The following TTLL11 variants were observed in gnomAD, a reference collection of about 807,000 sequenced individuals.
TTLL11 encodes tubulin tyrosine ligase like 11.
In TTLL11, 42 loss-of-function variants were observed where a neutral mutation model predicts 51.7. The observed-to-expected ratio is 0.81, with a 90% CI of 0.64 to 1.05. The LOEUF (loss-of-function observed/expected upper bound fraction) is 1.05, where lower values mean the gene tolerates loss of function less well. Among genes scored for constraint, TTLL11 ranks in the 50% least tolerant of loss-of-function variants. The pLI, the probability that TTLL11 is intolerant of heterozygous loss-of-function variation, is 0.00. For synonymous variants in TTLL11, 381 were observed against 383.5 expected (o/e 0.99, Z 0.08); for missense variants, 799 against 940.4 (o/e 0.85, Z 1.97).
chr9:122,032,312 C>T (rs10124850), intron 2 of TTLL11, among the ~76,000 whole-genome samples: 19,694 of 152,084 alleles, frequency 0.13, 2,101 homozygotes, highest in African/African-American at 0.29. Context: ...ATTAAGTTTA[C>T]TTCTTTTACT....
intron 8 of TTLL11, among the ~76,000 whole-genome samples, chr9:121,830,172 A>G (rs1225570331): frequency 6.6e-6 from 1 of 152,254 alleles, no homozygotes; most frequent in African/African-American, 2.4e-5. Context: ...ACACTGAGGT[A>G]AGCCAAGGGG....
chr9:122,005,342 C>T (rs1843612588), intron 3 of TTLL11, among the ~76,000 whole-genome samples: 1 of 152,126 alleles, frequency 6.6e-6, no homozygotes, highest in Non-Finnish European at 1.5e-5. Context: ...CTATGTGACT[C>T]AGCCAAGTCT....
intron 8 of TTLL11, among the ~76,000 whole-genome samples, chr9:121,841,768 C>A (rs1837357216): frequency 6.6e-6 from 1 of 152,048 alleles, no homozygotes; most frequent in Non-Finnish European, 1.5e-5. Flanking sequence ...CTGTCTTGTG[C>A]ATTTCAGGTT....
intron 8 of TTLL11, among the ~76,000 whole-genome samples, chr9:121,856,469 T>C (rs1324626957): frequency 6.6e-6 from 1 of 152,230 alleles, no homozygotes; most frequent in Non-Finnish European, 1.5e-5. Flanking sequence ...TCTCACAGGA[T>C]GGTGTGAGAA....
chr9:121,991,314 T>G (rs1335366995), intron 3 of TTLL11, among the ~76,000 whole-genome samples: 2 of 152,234 alleles, frequency 1.3e-5, no homozygotes, highest in Non-Finnish European at 2.9e-5. Context: ...GAGAAACACT[T>G]AAAGCCTTAA....
At chr9:121,963,936 T>G (rs745423089) in intron 6 of TTLL11, among the ~76,000 whole-genome samples, 6 of 152,216 alleles carry the variant, frequency 3.9e-5, no homozygotes, top group Non-Finnish European at 8.8e-5. Flanking sequence ...CAATGTATCT[T>G]GAAGTCAGGA....
intron 6 of TTLL11, among the ~76,000 whole-genome samples, chr9:121,951,948 G>A (rs987916485): frequency 5.3e-5 from 8 of 152,192 alleles, no homozygotes; most frequent in African/African-American, 1.9e-4. Flanking sequence ...CTGTCATGGC[G>A]CTGGTGGGAG....
At chr9:121,836,070 T>G (rs73539170) in intron 8 of TTLL11, among the ~76,000 whole-genome samples, 1 of 152,172 alleles carries the variant, frequency 6.6e-6, no homozygotes, top group Non-Finnish European at 1.5e-5. Context: ...TGTCAGGCAC[T>G]GTGGTGAGTA....
chr9:122,032,334 A>G (rs931743852), intron 2 of TTLL11, among the ~76,000 whole-genome samples: 4 of 152,318 alleles, frequency 2.6e-5, no homozygotes, highest in Admixed American at 6.5e-5. Context: ...TTTCATGAGT[A>G]TTAAAGGCAT....
intron 1 of TTLL11, among the ~76,000 whole-genome samples, chr9:122,082,924 C>T (rs1485163396): frequency 2.0e-5 from 3 of 151,730 alleles, no homozygotes; most frequent in East Asian, 3.9e-4. Flanking sequence ...TCCTGGGGGG[C>T]GAGGGTTGCT....
chr9:121,832,827 C>T (rs1837061318), intron 8 of TTLL11, among the ~76,000 whole-genome samples: 1 of 152,196 alleles, frequency 6.6e-6, no homozygotes, highest in African/African-American at 2.4e-5. Flanking sequence ...GAAGTCCCAG[C>T]TACTCAGGAA....
intron 3 of TTLL11, among the ~76,000 whole-genome samples, chr9:121,993,967 A>G (rs1191713216): frequency 6.6e-6 from 1 of 152,220 alleles, no homozygotes; most frequent in Non-Finnish European, 1.5e-5. Flanking sequence ...CCTCTGGTAG[A>G]CAAAATCAGT....
intron 1 of TTLL11, among the ~76,000 whole-genome samples, chr9:122,048,544 C>A (rs1845078520): frequency 6.6e-6 from 1 of 152,154 alleles, no homozygotes; most frequent in Admixed American, 6.5e-5. Context: ...CGTGGACCGA[C>A]CACAGGATCA....
intron 6 of TTLL11, among the ~76,000 whole-genome samples, chr9:121,972,548 C>T (rs772971163): frequency 2.0e-5 from 3 of 152,254 alleles, no homozygotes; most frequent in African/African-American, 4.8e-5. Flanking sequence ...CCAACAATGG[C>T]AATCTGTGCC....
chr9:121,869,529 A>G (rs1157022371), intron 7 of TTLL11, among the ~76,000 whole-genome samples: 1 of 152,208 alleles, frequency 6.6e-6, no homozygotes, highest in African/African-American at 2.4e-5. Flanking sequence ...AGGGATCTAG[A>G]GTTATTAGAT....
At chr9:122,011,544 C>A (rs1456033950) in intron 3 of TTLL11, among the ~76,000 whole-genome samples, 1 of 151,866 alleles carries the variant, frequency 6.6e-6, no homozygotes, top group East Asian at 1.9e-4. Context: ...AATGATAATA[C>A]TAGATAGCTG....
At chr9:121,873,476 A>AT (rs1428539134) in intron 6 of TTLL11, among the ~76,000 whole-genome samples, 10 of 148,468 alleles carry the variant, frequency 6.7e-5, no homozygotes, top group Non-Finnish European at 7.4e-5. Context: ...CACCCAGCTA[A>AT]TTTTTTTATA....
At chr9:122,068,398 G>A (rs1431394162) in intron 1 of TTLL11, among the ~76,000 whole-genome samples, 4 of 152,126 alleles carry the variant, frequency 2.6e-5, no homozygotes, top group Non-Finnish European at 5.9e-5. Context: ...ATTATCACGT[G>A]CATGTTATTA....
chr9:121,960,710 C>T (rs967402760), intron 6 of TTLL11, among the ~76,000 whole-genome samples: 2 of 152,198 alleles, frequency 1.3e-5, no homozygotes, highest in African/African-American at 4.8e-5. Flanking sequence ...GACCGGTCTA[C>T]GGTGCTGCAG....
Sources: gnomAD v4.1 joint callset for allele counts (sites outside exome capture counted in the v4.1 genomes callset) on GRCh38, gnomAD v4.1.1 for gene constraint, MANE v1.5 for transcripts, NCBI Gene and HGNC (gene_info 2026-07-23, HGNC 2026-07-21) for gene names.